Variants in PDE9A observed in about 807,000 individuals in gnomAD.
The protein encoded by PDE9A is high affinity cGMP-specific 3',5'-cyclic phosphodiesterase 9A.
Under a neutral mutation model 87.4 loss-of-function variants are expected in PDE9A, and 60 were observed. The ratio of observed to expected loss-of-function variants is 0.69; its 90% confidence interval spans 0.56 to 0.85. PDE9A has a LOEUF of 0.85. Among genes scored for constraint, PDE9A ranks in the 40% least tolerant of loss-of-function variants. The probability of loss-of-function intolerance (pLI) is 0.00; values close to 1 mark genes in which losing one functional copy is unlikely to be tolerated. For synonymous variants in PDE9A, 272 were observed against 279.4 expected (o/e 0.97, Z 0.27); for missense variants, 665 against 779.0 (o/e 0.85, Z 1.74).
intron 1 of PDE9A, among the ~76,000 whole-genome samples, chr21:42,685,574 C>T (rs2059416166): frequency 6.7e-6 from 1 of 150,036 alleles, no homozygotes; most frequent in Non-Finnish European, 1.5e-5. Context: ...TCAAGCGATT[C>T]TCCCGGCTCA....
rs185830982 is a variant in PDE9A, at chr21:42,653,723, C to G, written c.-92C>G. ...TGAGCGCCGCGGGCCGCCCCCCGCCCGCCCCCTCCCCTGCTCCCCTCCCCC... is the reference window on the plus strand; with the variant it reads ...TGAGCGCCGCGGGCCGCCCCCCGCCGGCCCCCTCCCCTGCTCCCCTCCCCC... On this transcript the variant is annotated 5_prime_UTR_variant, in exon 1 of 20. Transcript: ENST00000291539. 71,487 of 328,174 alleles carry G rather than the reference C, an allele frequency of 0.22. 15,219 individuals carry two copies. Among genetic ancestry groups the G allele is most frequent in the Non-Finnish European group, 0.29 (50,462 of 173,482 alleles). 20.3% of individuals were successfully genotyped at this position (328,174 alleles called of 1,614,324 possible).
In PDE9A at chr21:42,705,482, G is replaced by A. The variant is rs73905750; in HGVS notation, c.262+6471G>A. Among the ~76,000 whole-genome samples, 1,327 of 149,878 alleles carry A rather than the reference G, an allele frequency of 8.9e-3. 29 individuals are homozygous for A. The highest frequency in any genetic ancestry group is 0.03 in the African/African-American group (1,247 of 41,398). On this transcript the variant is annotated intron_variant, in intron 4 of 19. Coordinates refer to ENST00000291539, the MANE Select transcript of PDE9A (RefSeq NM_002606.3). The surrounding 1 kb of genome is among the most constrained non-coding windows in gnomAD (Gnocchi z 4.3). ...AGGGGAGATGCCTGTGATGAGGATTGGGTGCTGTGATCACAGCACGCGGGA... is the reference window on the plus strand; with the variant it reads ...AGGGGAGATGCCTGTGATGAGGATTAGGTGCTGTGATCACAGCACGCGGGA...
chr21:42,655,367 C>G (rs559038890), intron 1 of PDE9A, among the ~76,000 whole-genome samples: 2 of 152,200 alleles, frequency 1.3e-5, no homozygotes, highest in African/African-American at 4.8e-5. Context: ...GGGAGCAGCT[C>G]TCTTGGAAGC....
chr21:42,733,841 G>C (rs2052092847), intron 7 of PDE9A: 1 of 177,450 alleles, frequency 5.6e-6, no homozygotes, highest in African/African-American at 2.4e-5. Flanking sequence ...CTTGGTTTCT[G>C]ATACAGTCTG....
chr21:42,728,858 T>A (rs2401095), intron 4 of PDE9A, among the ~76,000 whole-genome samples: 3,696 of 151,606 alleles, frequency 0.024, 74 homozygotes, highest in Middle Eastern at 0.045. Context: ...AAAATTAGCC[T>A]GGCTTAGTGG....
intron 4 of PDE9A, among the ~76,000 whole-genome samples, chr21:42,706,257 G>A (rs116600401): frequency 8.1e-4 from 124 of 152,332 alleles, no homozygotes; most frequent in African/African-American, 2.9e-3. Context: ...GGCTTAGTAT[G>A]AAAAAGAATA....
At chr21:42,673,754 A>G (rs1406024475) in intron 1 of PDE9A, among the ~76,000 whole-genome samples, 1 of 152,158 alleles carries the variant, frequency 6.6e-6, no homozygotes, top group African/African-American at 2.4e-5. Context: ...CCCCAAATCC[A>G]GAACCGCCCT....
chr21:42,683,983 C>G (rs2059309989), intron 1 of PDE9A, among the ~76,000 whole-genome samples: 1 of 152,208 alleles, frequency 6.6e-6, no homozygotes, highest in Admixed American at 6.5e-5. Flanking sequence ...CCACAGGGCC[C>G]CCCGCCTTCT....
chr21:42,667,238 C>G (rs938957736), intron 1 of PDE9A, among the ~76,000 whole-genome samples: 3 of 152,224 alleles, frequency 2.0e-5, no homozygotes, highest in Non-Finnish European at 2.9e-5. Flanking sequence ...CAACTTCTAG[C>G]AGCCCATAAG....
chr21:42,666,160 T>C (rs1273762550), intron 1 of PDE9A, among the ~76,000 whole-genome samples: 1 of 151,870 alleles, frequency 6.6e-6, no homozygotes, highest in Admixed American at 6.6e-5. Flanking sequence ...GGCGTGGTCA[T>C]TCGTGCAGTG....
chr21:42,657,105 C>T (rs1269690078), intron 1 of PDE9A, among the ~76,000 whole-genome samples: 2 of 152,230 alleles, frequency 1.3e-5, no homozygotes, highest in African/African-American at 4.8e-5. Context: ...TTTTCCCTGA[C>T]GATCGGCTTT....
At chr21:42,684,827 C>G (rs2059358967) in intron 1 of PDE9A, among the ~76,000 whole-genome samples, 1 of 152,008 alleles carries the variant, frequency 6.6e-6, no homozygotes, top group Non-Finnish European at 1.5e-5. Context: ...GGGGCAAATA[C>G]CAGTGGGGAT....
chr21:42,689,080 G>A (rs542608614), intron 3 of PDE9A, among the ~76,000 whole-genome samples: 2 of 151,636 alleles, frequency 1.3e-5, no homozygotes, highest in South Asian at 4.2e-4. Flanking sequence ...CCTCAGCGAG[G>A]TCCTCGTGGG....
At chr21:42,674,316 C>CTTTTTTTTTTTTTTTTTTTTT (rs34238765) in intron 1 of PDE9A, among the ~76,000 whole-genome samples, 7 of 134,590 alleles carry the variant, frequency 5.2e-5, no homozygotes, top group Non-Finnish European at 9.4e-5. Flanking sequence ...TTTAGACATT[C>CTTTTTTTTTTTTTTTTTTTTT]TTTTTTTTTT....
Position 42,653,745 on chromosome 21 carries a change from C to T in PDE9A, c.-70C>T. On this transcript the variant is annotated 5_prime_UTR_variant, in exon 1 of 20. Transcript: ENST00000291539. The stretch of plus-strand genomic sequence containing the variant: ...GCCCGCCCCCTCCCCTGCTCCCCTC[C>T]CCCGCCTCCCGCGGCGGCTGGCGTC... 2 of 853,086 alleles carry T rather than the reference C, an allele frequency of 2.3e-6. No individual in the cohort carries two copies. The highest frequency in any genetic ancestry group is 1.6e-5 in the South Asian group (1 of 63,050). 52.8% of individuals were successfully genotyped at this position (853,086 alleles called of 1,614,324 possible). A position where few individuals can be genotyped will look rare whatever the true frequency, so the allele number is the denominator to read the frequency against.
In PDE9A at chr21:42,695,454, G is replaced by A. The variant is rs921218714; in HGVS notation, c.219-3514G>A. On this transcript the variant is annotated intron_variant, in intron 3 of 19. Coordinates refer to ENST00000291539, the MANE Select transcript of PDE9A (RefSeq NM_002606.3). This position sits in a 1 kb window ranked among gnomAD's most constrained non-coding sequence, Gnocchi z 4.3. ...TAAATCAGACACCTCAGTAGCGTGA[G>A]TGAAAGTGGGGTGTGTGGTGAGACA... Among the ~76,000 whole-genome samples the A allele has an allele frequency of 2.0e-5, 3 of 152,240 alleles. No homozygotes were observed. Among genetic ancestry groups the A allele is most frequent in the Non-Finnish European group, 2.9e-5 (2 of 68,052 alleles).
At chr21:42,670,346 TTACACA>T (rs879424424) in intron 1 of PDE9A, among the ~76,000 whole-genome samples, 21,810 of 110,018 alleles carry the variant, frequency 0.2, 2,843 homozygotes, top group African/African-American at 0.44. Flanking sequence ...TCACATACAT[TTACACA>T]CACATCCACA....
chr21:42,746,587 G>T (rs539348138), intron 8 of PDE9A, among the ~76,000 whole-genome samples: 1 of 152,328 alleles, frequency 6.6e-6, no homozygotes, highest in South Asian at 2.1e-4. Context: ...AACTACATCT[G>T]CAACAGTCAT....
chr21:42,763,818 C>T (rs921360243), intron 14 of PDE9A, among the ~76,000 whole-genome samples: 19 of 152,228 alleles, frequency 1.2e-4, no homozygotes, highest in Admixed American at 7.2e-4. Context: ...TATCAGAGAG[C>T]AGCAGCCTCT....
Sources: allele counts gnomAD v4.1 joint callset (sites outside exome capture counted in the v4.1 genomes callset), GRCh38; gene constraint gnomAD v4.1.1; non-coding constraint Gnocchi (gnomAD v3.1); transcripts MANE v1.5; gene names NCBI Gene and HGNC (gene_info 2026-07-23, HGNC 2026-07-21).